The following SNAP91 variants were observed in gnomAD, a reference collection of about 807,000 sequenced individuals.
SNAP91 encodes clathrin coat assembly protein AP180.
In SNAP91, 27 loss-of-function variants were observed where a neutral mutation model predicts 100.3. The ratio of observed to expected loss-of-function variants is 0.27; its 90% CI spans 0.20 to 0.37. The LOEUF (loss-of-function observed/expected upper bound fraction) is 0.37, where lower values mean the gene tolerates loss of function less well. Ranked by LOEUF, SNAP91 falls within the 10% of genes least tolerant of loss-of-function variation. The probability of loss-of-function intolerance (pLI) is 1.00; values close to 1 mark genes in which losing one functional copy is unlikely to be tolerated. For synonymous variants in SNAP91, 404 were observed against 398.6 expected (o/e 1.01, Z -0.16); for missense variants, 986 against 1,123.7 (o/e 0.88, Z 1.75).
chr6:83,683,363 G>A (rs1035091868), intron 2 of SNAP91, among the ~76,000 whole-genome samples: 1 of 152,166 alleles, frequency 6.6e-6, no homozygotes, highest in Non-Finnish European at 1.5e-5. Flanking sequence ...CCTAATGGAA[G>A]GTGTTTGGGC....
rs1829526557 is a variant in SNAP91, at chr6:83,582,237, A to AGCT, written c.2131_2133dup (p.Ser712dup). ...ACTGCCTCACCTGATGGATCAAAGGAGCTGCTGCTGGAAGTTGAAGGCGTT... is the reference window on the plus strand; with the variant it reads ...ACTGCCTCACCTGATGGATCAAAGGAGCTGCTGCTGCTGGAAGTTGAAGGCGTT... On this transcript the variant is annotated inframe_insertion, in exon 23 of 30. Transcript: ENST00000369694. 6.2e-7 allele frequency: 1 copy of AGCT among 1,613,700 alleles called. No individual in the cohort carries two copies. Among genetic ancestry groups the AGCT allele is most frequent in the Non-Finnish European group, 8.5e-7 (1 of 1,179,706 alleles).
intron 24 of SNAP91, among the ~76,000 whole-genome samples, chr6:83,576,588 CTGCTGCATTTTTGT>C (rs1319762403): frequency 1.3e-5 from 2 of 152,198 alleles, no homozygotes; most frequent in African/African-American, 2.4e-5. Flanking sequence ...CTCACACATG[CTGCTGCATTTTTGT>C]TGCTGGGTGA....
At chr6:83,558,189 A>G (rs2127788878) in intron 28 of SNAP91, among the ~76,000 whole-genome samples, 1 of 152,290 alleles carries the variant, frequency 6.6e-6, no homozygotes. Flanking sequence ...ATCAAACACA[A>G]TAAGGTTAAA....
chr6:83,701,201 CAT>C (rs371619920), intron 2 of SNAP91, among the ~76,000 whole-genome samples: 13 of 152,166 alleles, frequency 8.5e-5, no homozygotes, highest in East Asian at 7.7e-4. Flanking sequence ...GCCAAAGAGA[CAT>C]GTGTGTGGTT....
At chr6:83,606,592 G>C (rs1228797559) in intron 13 of SNAP91, among the ~76,000 whole-genome samples, 1 of 152,202 alleles carries the variant, frequency 6.6e-6, no homozygotes, top group South Asian at 2.1e-4. Context: ...TGTACCTTCA[G>C]ATTTGAGGAG....
chr6:83,562,110 G>A (rs1788805344), intron 26 of SNAP91, among the ~76,000 whole-genome samples: 1 of 152,158 alleles, frequency 6.6e-6, no homozygotes, highest in African/African-American at 2.4e-5. Context: ...TCTACCAAAT[G>A]TATAAAGAAT....
chr6:83,676,353 G>C (rs1462698779), intron 2 of SNAP91, among the ~76,000 whole-genome samples: 2 of 151,996 alleles, frequency 1.3e-5, no homozygotes, highest in African/African-American at 4.8e-5. Flanking sequence ...AAAGTAAGAA[G>C]AGAAATAGAT....
At chr6:83,698,030 T>C (rs1387379247) in intron 2 of SNAP91, among the ~76,000 whole-genome samples, 3 of 151,964 alleles carry the variant, frequency 2.0e-5, no homozygotes, top group Non-Finnish European at 4.4e-5. Flanking sequence ...AGCCTAAAAC[T>C]AGAGTTTTAG....
At chr6:83,697,431 T>A (rs1368481781) in intron 2 of SNAP91, among the ~76,000 whole-genome samples, 2 of 151,942 alleles carry the variant, frequency 1.3e-5, no homozygotes, top group Non-Finnish European at 2.9e-5. Flanking sequence ...GTTAATGGTA[T>A]GTACTGAGAG....
At chr6:83,601,220 A>G (rs756469201) in intron 16 of SNAP91, 51 bp downstream of exon 16, 27 of 1,592,528 alleles carry the variant, frequency 1.7e-5, no homozygotes, top group Non-Finnish European at 2.3e-5. Context: ...TTAACTCCCA[A>G]GTAATTTTAG....
At chr6:83,645,246 C>CA (rs1247785542) in intron 7 of SNAP91, among the ~76,000 whole-genome samples, 1 of 145,118 alleles carries the variant, frequency 6.9e-6, no homozygotes, top group Non-Finnish European at 1.5e-5. Flanking sequence ...TATATCCTGA[C>CA]TTTTTTTTTT....
At chr6:83,684,169 T>C (rs918063675) in intron 2 of SNAP91, among the ~76,000 whole-genome samples, 1 of 152,160 alleles carries the variant, frequency 6.6e-6, no homozygotes, top group East Asian at 1.9e-4. Flanking sequence ...AAGCAGTCAT[T>C]ATATGTAAGA....
intron 7 of SNAP91, among the ~76,000 whole-genome samples, chr6:83,645,860 G>C (rs941421487): frequency 6.6e-6 from 1 of 152,014 alleles, no homozygotes; most frequent in Non-Finnish European, 1.5e-5. Flanking sequence ...AAACACCAAT[G>C]ATCTTTTTTA....
Position 83,579,678 on chromosome 6 carries a change from A to G in SNAP91, c.2299+772T>C, listed in dbSNP as rs190447755. On this transcript the variant is annotated intron_variant, in intron 24 of 29. Coordinates refer to ENST00000369694, the MANE Select transcript of SNAP91 (RefSeq NM_001242792.2). ...TTTACCCACTCAGCTCTAGCCACTCATCTCCTGGATGTCCCTTGAATCTGC... is the reference window on the plus strand; with the variant it reads ...TTTACCCACTCAGCTCTAGCCACTCGTCTCCTGGATGTCCCTTGAATCTGC... Among the ~76,000 whole-genome samples the G allele has an allele frequency of 5.0e-4, 76 of 152,236 alleles. No homozygotes were observed. In the Middle Eastern group the frequency reaches 0.014, roughly 27 times the overall value.
intron 8 of SNAP91, among the ~76,000 whole-genome samples, chr6:83,635,861 T>C (rs1411051067): frequency 2.0e-5 from 3 of 152,182 alleles, no homozygotes; most frequent in Admixed American, 2.0e-4. Context: ...TTAAGGCCAG[T>C]TGATTGGTAA....
At chr6:83,707,719 C>A in intron 2 of SNAP91, 79 bp downstream of exon 2, 1 of 1,570,326 alleles carries the variant, frequency 6.4e-7, no homozygotes, top group South Asian at 1.2e-5. Flanking sequence ...GCATTATGGA[C>A]CAAGAGCGCA....
chr6:83,563,623 A>G (rs994280798), intron 26 of SNAP91, among the ~76,000 whole-genome samples: 6 of 152,198 alleles, frequency 3.9e-5, no homozygotes, highest in Non-Finnish European at 7.3e-5. Context: ...ATCCATATAC[A>G]ACAAAACTGT....
intron 8 of SNAP91, among the ~76,000 whole-genome samples, chr6:83,632,706 T>TATA (rs960843417): frequency 6.6e-6 from 1 of 152,258 alleles, no homozygotes; most frequent in Non-Finnish European, 1.5e-5. Context: ...TTTGCATTTC[T>TATA]ATAAGTGTGT....
intron 24 of SNAP91, among the ~76,000 whole-genome samples, chr6:83,577,348 T>G (rs1173401721): frequency 6.6e-6 from 1 of 152,186 alleles, no homozygotes; most frequent in Non-Finnish European, 1.5e-5. Flanking sequence ...CCCATAATTT[T>G]AGTTTTTTTA....
Sources: allele counts gnomAD v4.1 joint callset (sites outside exome capture counted in the v4.1 genomes callset), GRCh38; gene constraint gnomAD v4.1.1; transcripts MANE v1.5; gene names NCBI Gene and HGNC (gene_info 2026-07-23, HGNC 2026-07-21).